Variants in SUSD4 observed in about 807,000 individuals in gnomAD.
SUSD4 encodes the protein sushi domain-containing protein 4.
In SUSD4, 41 loss-of-function variants were observed where a neutral mutation model predicts 50.5. The observed-to-expected ratio is 0.81, with a 90% CI of 0.63 to 1.05. The LOEUF is 1.05. Among genes scored for constraint, SUSD4 ranks in the 50% least tolerant of loss-of-function variants. SUSD4 has a pLI of 0.00. For missense variants in SUSD4, 580 were observed against 634.7 expected, an observed-to-expected ratio of 0.91 and a Z score of 0.93; for synonymous variants, 257 against 257.3, an observed-to-expected ratio of 1.00 and a Z score of 0.01.
At chr1:223,329,165 G>A (rs543379238) in intron 2 of SUSD4, among the ~76,000 whole-genome samples, 43 of 151,998 alleles carry the variant, frequency 2.8e-4, no homozygotes, top group Non-Finnish European at 5.1e-4. Context: ...CTTTATCAAC[G>A]GGCATAAACA....
At chr1:223,247,500 A>T (rs1383774564) in intron 5 of SUSD4, among the ~76,000 whole-genome samples, 3 of 152,216 alleles carry the variant, frequency 2.0e-5, no homozygotes, top group Admixed American at 6.5e-5. Flanking sequence ...TGTTTGAGCC[A>T]TCATCCCTTT....
At chr1:223,299,863 T>C (rs1379563153) in intron 2 of SUSD4, among the ~76,000 whole-genome samples, 1 of 152,118 alleles carries the variant, frequency 6.6e-6, no homozygotes, top group Admixed American at 6.5e-5. Flanking sequence ...CTCTCCTGGG[T>C]CTCAGGCCTT....
At chr1:223,364,508 C>T (rs968228453), upstream of SUSD4, among the ~76,000 whole-genome samples, 2 of 149,506 alleles carry the variant, frequency 1.3e-5, no homozygotes, top group African/African-American at 4.9e-5. This position sits in a 1 kb window ranked among gnomAD's most constrained non-coding sequence, Gnocchi z 4.5. Context: ...CAATGGGAAG[C>T]CCGCGCGCCT....
intron 3 of SUSD4, among the ~76,000 whole-genome samples, chr1:223,283,090 T>C (rs1297609355): frequency 6.6e-6 from 1 of 152,166 alleles, no homozygotes; most frequent in Non-Finnish European, 1.5e-5. Flanking sequence ...TCAAGATGGA[T>C]TAAAGACTTA....
chr1:223,298,220 C>A (rs1476992840), intron 2 of SUSD4, among the ~76,000 whole-genome samples: 1 of 152,044 alleles, frequency 6.6e-6, no homozygotes, highest in Non-Finnish European at 1.5e-5. Context: ...ATGCCAACTA[C>A]CCTGTTGGAC....
At chr1:223,272,354 T>A (rs560267235) in intron 3 of SUSD4, among the ~76,000 whole-genome samples, 1 of 152,360 alleles carries the variant, frequency 6.6e-6, no homozygotes, top group South Asian at 2.1e-4. Flanking sequence ...AACACTGTCA[T>A]TATTTCTATA....
At chr1:223,254,576 A>G (rs560897089) in intron 5 of SUSD4, among the ~76,000 whole-genome samples, 1 of 152,344 alleles carries the variant, frequency 6.6e-6, no homozygotes, top group African/African-American at 2.4e-5. Flanking sequence ...AGAGAAAAAG[A>G]GTCTAAAAAG....
Position 223,221,249 on chromosome 1 carries a change from A to C in SUSD4, c.*943T>G. On this transcript the variant is annotated 3_prime_UTR_variant, in exon 9 of 9. Transcript: ENST00000366878. The stretch of plus-strand genomic sequence containing the variant: ...GAAACAATTTCTGTTTTGGAAAATA[A>C]ATGTATGGTTCAATTTGGGGCTGGG... 2.5e-6 allele frequency: 1 copy of C among 397,618 alleles called. No individual in the cohort carries two copies. The highest frequency in any genetic ancestry group is 4.4e-6 in the Non-Finnish European group (1 of 225,692). 24.6% of individuals were successfully genotyped at this position (397,618 alleles called of 1,614,324 possible).
chr1:223,286,590 G>A (rs1264610273), intron 3 of SUSD4, among the ~76,000 whole-genome samples: 1 of 152,214 alleles, frequency 6.6e-6, no homozygotes, highest in Non-Finnish European at 1.5e-5. Flanking sequence ...CTGTCAAAAG[G>A]TTGTGGGGAG....
At chr1:223,341,007 A>G (rs1225253024) in intron 2 of SUSD4, among the ~76,000 whole-genome samples, 1 of 152,244 alleles carries the variant, frequency 6.6e-6, no homozygotes. Flanking sequence ...GATTGCTAAA[A>G]TACACATGTT....
chr1:223,259,379 T>A (rs1239986984), intron 5 of SUSD4, among the ~76,000 whole-genome samples: 1 of 152,190 alleles, frequency 6.6e-6, no homozygotes, highest in Non-Finnish European at 1.5e-5. Context: ...AATTTAGCAC[T>A]TAGGGCAACA....
intron 5 of SUSD4, chr1:223,263,935 A>G (rs1402125127): frequency 1.0e-6 from 1 of 985,324 alleles, no homozygotes; most frequent in African/African-American, 1.7e-5. Flanking sequence ...AGATGCTGAG[A>G]AACACATTGG....
At chr1:223,234,775 G>T in intron 5 of SUSD4, 1 of 732,972 alleles carries the variant, frequency 1.4e-6, no homozygotes, top group Non-Finnish European at 2.0e-6. Context: ...AGCTTTGCCA[G>T]TCCCACCTCT....
intron 5 of SUSD4, among the ~76,000 whole-genome samples, chr1:223,239,023 T>C (rs563678256): frequency 1.1e-4 from 17 of 152,160 alleles, no homozygotes; most frequent in African/African-American, 3.8e-4. Flanking sequence ...GTTAAATGCA[T>C]ACACATTAAG....
At chr1:223,364,190 G>C (rs1305452621), upstream of SUSD4, 2 of 151,176 alleles carry the variant, frequency 1.3e-5, no homozygotes, top group African/African-American at 2.4e-5. The surrounding 1 kb of genome is among the most constrained non-coding windows in gnomAD (Gnocchi z 4.5). Context: ...GGCGGCGCTC[G>C]GCTCCAGCTC....
intron 2 of SUSD4, among the ~76,000 whole-genome samples, chr1:223,318,531 C>CT (rs1666363140): frequency 7.9e-6 from 1 of 125,802 alleles, no homozygotes; most frequent in African/African-American, 3.1e-5. Flanking sequence ...TGTTTCCTGA[C>CT]TTTTTAATGA....
chr1:223,323,046 G>A (rs1006197772), intron 2 of SUSD4, among the ~76,000 whole-genome samples: 6 of 152,084 alleles, frequency 3.9e-5, no homozygotes, highest in Non-Finnish European at 7.4e-5. Context: ...TTCCAGTTTC[G>A]CCTTTAGGTA....
chr1:223,357,494 T>C (rs1489895266), intron 2 of SUSD4, among the ~76,000 whole-genome samples: 1 of 152,234 alleles, frequency 6.6e-6, no homozygotes, highest in African/African-American at 2.4e-5. Context: ...CCAGGTGAAC[T>C]TGGACAAGTT....
rs566671045 is a variant in SUSD4 at position 223,360,823 on chromosome 1, C to A, written c.148+2455G>T. Reference sequence around the variant, plus strand: ...TTTTTGTGGATGAAAAAAAAGCACTCTCCGAGGGCTGATTTTCAGCTCTGT... The same window carrying A: ...TTTTTGTGGATGAAAAAAAAGCACTATCCGAGGGCTGATTTTCAGCTCTGT... On this transcript the variant is annotated intron_variant, in intron 2 of 8. Transcript: ENST00000366878. 3.3e-5 allele frequency among the ~76,000 whole-genome samples: 5 copies of A among 152,274 alleles called. 1 individual carries two copies. The South Asian group carries it at 1.0e-3, about 32-fold the overall frequency.
Sources: gnomAD v4.1 joint callset for allele counts (sites outside exome capture counted in the v4.1 genomes callset) on GRCh38, gnomAD v4.1.1 for gene constraint, Gnocchi (gnomAD v3.1) non-coding constraint, MANE v1.5 for transcripts, NCBI Gene and HGNC (gene_info 2026-07-23, HGNC 2026-07-21) for gene names.